PTHLH: variants seen among roughly 807,000 people sequenced by gnomAD.
PTHLH encodes the protein parathyroid hormone-related protein.
Under a neutral mutation model 18.6 loss-of-function variants are expected in PTHLH, and 5 were observed. That is an observed-to-expected ratio of 0.27 (90% CI 0.14 to 0.56). The LOEUF is 0.56. Ranked by LOEUF, PTHLH falls within the 20% of genes least tolerant of loss-of-function variation. PTHLH has a pLI of 0.92. For synonymous variants in PTHLH, 90 were observed against 94.0 expected (o/e 0.96, Z 0.25); for missense variants, 207 against 223.9 (o/e 0.92, Z 0.48).
chr12:27,964,978 A>C (rs2062798960), intron 4 of PTHLH, among the ~76,000 whole-genome samples: 2 of 152,152 alleles, frequency 1.3e-5, no homozygotes, highest in South Asian at 4.1e-4. Flanking sequence ...AAGCATCTCA[A>C]AGTGTTTCCC....
At chr12:27,967,261 A>G (rs1408325500) in intron 4 of PTHLH, among the ~76,000 whole-genome samples, 2 of 152,200 alleles carry the variant, frequency 1.3e-5, no homozygotes, top group Non-Finnish European at 2.9e-5. Flanking sequence ...CTCTAGCTCC[A>G]TTAATTAAAA....
chr12:27,961,643 A>G, intron 5 of PTHLH: 1 of 306,588 alleles, frequency 3.3e-6, no homozygotes, highest in South Asian at 1.2e-4. Flanking sequence ...CAGAATTTAT[A>G]GGGTTTGTTA....
rs1258687655 is a variant in PTHLH at position 27,958,155 on chromosome 12, C to G, written c.*404G>C. On this transcript the variant is annotated 3_prime_UTR_variant, in exon 6 of 6. Transcript: ENST00000545234. ...TAAAATACTGTTATTTTTACATGCA[C>G]AAAGGAAAATCAATTTGGATAATTA... 6.5e-6 allele frequency: 1 copy of G among 154,968 alleles called. No individual in the cohort carries two copies. Among genetic ancestry groups the G allele is most frequent in the African/African-American group, 2.4e-5 (1 of 41,534 alleles). The allele number at this position is 154,968 out of a possible 1,614,324, so 9.6% of individuals were successfully genotyped here. A position where few individuals can be genotyped will look rare whatever the true frequency, so the allele number is the denominator to read the frequency against.
intron 4 of PTHLH, among the ~76,000 whole-genome samples, chr12:27,967,262 T>C (rs1178511082): frequency 6.6e-6 from 1 of 152,194 alleles, no homozygotes; most frequent in Non-Finnish European, 1.5e-5. Context: ...TCTAGCTCCA[T>C]TAATTAAAAT....
chr12:27,962,018 A>G (rs1275556044), intron 5 of PTHLH: 2 of 664,554 alleles, frequency 3.0e-6, no homozygotes, highest in East Asian at 5.2e-5. Flanking sequence ...AAAAGAAAAA[A>G]AAATCATTTC....
chr12:27,969,496 G>A lies in PTHLH; in HGVS notation c.-2C>T. The stretch of plus-strand genomic sequence containing the variant: ...CTGCTGAACCAGTCTCCGCTGCATC[G>A]TCTCCGCTCGCGCTCGGGACCTGCA... On this transcript the variant is annotated 5_prime_UTR_variant, in exon 4 of 6. In the 5' UTR this introduces an upstream ATG that the reference lacks. Coordinates refer to ENST00000545234, the MANE Select transcript of PTHLH (RefSeq NM_198965.2). 6.4e-7 allele frequency: 1 copy of A among 1,570,494 alleles called. No homozygotes were observed. Among genetic ancestry groups the A allele is most frequent in the Non-Finnish European group, 8.6e-7 (1 of 1,159,950 alleles).
chr12:27,963,545 G>A lies in PTHLH; in HGVS notation c.327C>T (p.Asn109=). 6.2e-7 allele frequency: 1 copy of A among 1,614,166 alleles called. No individual in the cohort carries two copies. The highest frequency in any genetic ancestry group is 8.5e-7 in the Non-Finnish European group (1 of 1,180,022). ...GCTGCTCTTTGTACGTCTCCACCTTGTTAGTTTCCTGAGTTAGGTATCTGC... is the reference window on the plus strand; with the variant it reads ...GCTGCTCTTTGTACGTCTCCACCTTATTAGTTTCCTGAGTTAGGTATCTGC... ...DEGRYLTQET[N]KVETYKEQPL... The change falls in exon 5 of 6, where the codon AAC becomes AAT. Residue 109 remains asparagine, a synonymous_variant. Coordinates refer to ENST00000545234, the MANE Select transcript of PTHLH (RefSeq NM_198965.2).
intron 5 of PTHLH, 147 bp downstream of exon 5, chr12:27,963,201 T>A: frequency 6.5e-7 from 1 of 1,531,856 alleles, no homozygotes; most frequent in Non-Finnish European, 8.7e-7. Context: ...GACAATATTC[T>A]GAGTTATTCT....
chr12:27,958,454 A>G lies in PTHLH; in HGVS notation c.*105T>C, dbSNP rs1466438335. 6 of 1,114,836 alleles carry G rather than the reference A, an allele frequency of 5.4e-6. No individual in the cohort carries two copies. Among genetic ancestry groups the G allele is most frequent in the Non-Finnish European group, 7.4e-6 (6 of 806,388 alleles). The allele number at this position is 1,114,836 out of a possible 1,614,324, so 69.1% of individuals were successfully genotyped here. On this transcript the variant is annotated 3_prime_UTR_variant, in exon 6 of 6. Coordinates refer to ENST00000545234, the MANE Select transcript of PTHLH (RefSeq NM_198965.2). ...GCAATGGGGGAGACAGTTTTATTCC[A>G]ATGCATTTACAGTATTTACAGACAA...
intron 5 of PTHLH, chr12:27,961,909 G>T (rs764012602): frequency 2.8e-6 from 2 of 714,186 alleles, no homozygotes; most frequent in Non-Finnish European, 2.5e-6. Flanking sequence ...AGTAACAGGG[G>T]ACTCTTAAAT....
chr12:27,962,201 C>A, intron 5 of PTHLH: 1 of 419,364 alleles, frequency 2.4e-6, no homozygotes. Flanking sequence ...TAATATTTGC[C>A]CCACTTTTTG....
At chr12:27,962,949 C>T (rs2062774120) in intron 5 of PTHLH, 1 of 1,111,384 alleles carries the variant, frequency 9.0e-7, no homozygotes, top group Non-Finnish European at 1.1e-6. Context: ...AGTGAAAGAA[C>T]GTAAGAAATG....
intron 5 of PTHLH, among the ~76,000 whole-genome samples, chr12:27,959,206 A>G (rs1239542102): frequency 6.6e-6 from 1 of 152,208 alleles, no homozygotes; most frequent in Non-Finnish European, 1.5e-5. Context: ...GAATGAAACT[A>G]TTATTGGATT....
At chr12:27,966,663 C>A (rs11049241) in intron 4 of PTHLH, among the ~76,000 whole-genome samples, 22,507 of 152,058 alleles carry the variant, frequency 0.15, 1,877 homozygotes, top group Middle Eastern at 0.28. Context: ...TACCTAAGCT[C>A]CAAAATGGAA....
intron 3 of PTHLH, chr12:27,969,793 A>T: frequency 3.2e-6 from 2 of 622,872 alleles, no homozygotes; most frequent in Non-Finnish European, 6.1e-6. Context: ...TAATAGCGAA[A>T]ATAAAATGGT....
intron 2 of PTHLH, among the ~76,000 whole-genome samples, chr12:27,971,484 C>G (rs2062871304): frequency 6.6e-6 from 1 of 152,024 alleles, no homozygotes; most frequent in African/African-American, 2.4e-5. Flanking sequence ...TTCTAGAAGG[C>G]TAGTGTGATT....
intron 4 of PTHLH, 117 bp from the exon 5 acceptor site, chr12:27,963,887 C>A: frequency 9.6e-7 from 1 of 1,044,640 alleles, no homozygotes; most frequent in Non-Finnish European, 1.4e-6. Context: ...AAGACACAAG[C>A]TGGATGGGTA....
chr12:27,960,294 A>G (rs1305449204), intron 5 of PTHLH, among the ~76,000 whole-genome samples: 1 of 152,218 alleles, frequency 6.6e-6, no homozygotes, highest in Non-Finnish European at 1.5e-5. Flanking sequence ...AATGAGTCCC[A>G]CTGTATCTGG....
chr12:27,959,469 T>A (rs1415249779), intron 5 of PTHLH, among the ~76,000 whole-genome samples: 7 of 151,974 alleles, frequency 4.6e-5, no homozygotes, highest in Non-Finnish European at 1.0e-4. Flanking sequence ...TTAAGATGGG[T>A]TAGCGGAGTT....
Sources: allele counts gnomAD v4.1 joint callset (sites outside exome capture counted in the v4.1 genomes callset), GRCh38; gene constraint gnomAD v4.1.1; transcripts MANE v1.5; gene names NCBI Gene and HGNC (gene_info 2026-07-23, HGNC 2026-07-21).